FANCI: variants seen among roughly 807,000 people sequenced by gnomAD.
FANCI encodes the protein Fanconi anemia group I protein.
FANCI carries 156 observed loss-of-function variants against 176.1 expected under a neutral mutation model. That is an observed-to-expected ratio of 0.89 (90% confidence interval 0.78 to 1.01). FANCI has a LOEUF of 1.01. FANCI is among the 50% of genes least tolerant of loss of function. The probability of loss-of-function intolerance (pLI) is 0.00; values close to 1 mark genes in which losing one functional copy is unlikely to be tolerated. For synonymous variants in FANCI, 613 were observed against 541.7 expected (o/e 1.13, Z -1.83); for missense variants, 1,678 against 1,534.1 (o/e 1.09, Z -1.57).
chr15:89,264,757 G>C, intron 9 of FANCI, 150 bp downstream of exon 9: 1 of 630,752 alleles, frequency 1.6e-6, no homozygotes, highest in Admixed American at 2.2e-5. Flanking sequence ...CAGTAATAAA[G>C]AGAATAACAT....
intron 2 of FANCI, among the ~76,000 whole-genome samples, chr15:89,250,946 C>CA (rs1202223731): frequency 1.3e-5 from 2 of 150,652 alleles, no homozygotes; most frequent in African/African-American, 2.4e-5. Context: ...TAAACAACAA[C>CA]AAAAAAACAC....
chr15:89,307,541 A>G lies in FANCI; in HGVS notation c.3591+12A>G, dbSNP rs1567175558. ...ATATGGAAAAGCTGGTGAGTTGAGA[A>G]TGCCTTTCCTAGGAATGGGGGAAGC... On this transcript the variant is annotated intron_variant, in intron 33 of 37. Transcript: ENST00000310775. 6.2e-7 allele frequency: 1 copy of G among 1,614,036 alleles called. No homozygotes were observed. Among genetic ancestry groups the G allele is most frequent in the African/African-American group, 1.3e-5 (1 of 74,930 alleles).
At chr15:89,273,141 A>T (rs1205043655) in intron 10 of FANCI, among the ~76,000 whole-genome samples, 1 of 151,498 alleles carries the variant, frequency 6.6e-6, no homozygotes, top group Non-Finnish European at 1.5e-5. Context: ...CTCTCCAAAA[A>T]AATTAAAAAT....
Position 89,281,185 on chromosome 15 carries a change from T to C in FANCI, c.1397T>C (p.Ile466Thr). Residue 466 changes from isoleucine to threonine, a missense_variant, in exon 15 of 38, where the codon ATC (isoleucine) becomes ACC (threonine). By Grantham distance (89) the Ile-to-Thr change is moderately conservative. Coordinates refer to ENST00000310775, the MANE Select transcript of FANCI (RefSeq NM_001113378.2). ...TGTTTTTCAGACCTGCTTTCAAATA[T>C]CGTCATGTATGCACCCTTAGTTCTT... ...ISHFLDLLSN[I>T]VMYAPLVLQS... is the part of the protein sequence containing the mutation. 2.5e-6 allele frequency: 4 copies of C among 1,613,798 alleles called. No individual in the cohort carries two copies. Among genetic ancestry groups the C allele is most frequent in the Non-Finnish European group, 3.4e-6 (4 of 1,179,778 alleles).
chr15:89,259,921 C>G (rs747891273), intron 3 of FANCI, among the ~76,000 whole-genome samples: 2 of 152,114 alleles, frequency 1.3e-5, no homozygotes, highest in Non-Finnish European at 2.9e-5. Context: ...ATTTTCTGGC[C>G]ATTATAATAC....
chr15:89,257,342 A>T (rs1347771232), intron 2 of FANCI, among the ~76,000 whole-genome samples: 1 of 152,184 alleles, frequency 6.6e-6, no homozygotes, highest in Non-Finnish European at 1.5e-5. Context: ...CTGCTGTTAC[A>T]ATGTATCACA....
intron 2 of FANCI, among the ~76,000 whole-genome samples, chr15:89,255,227 T>C (rs1189471891): frequency 6.6e-6 from 1 of 152,200 alleles, no homozygotes; most frequent in Non-Finnish European, 1.5e-5. Flanking sequence ...TGGTGTCTCA[T>C]GATTGGACCA....
chr15:89,244,805 A>G (rs982780989), intron 1 of FANCI, among the ~76,000 whole-genome samples: 2 of 152,152 alleles, frequency 1.3e-5, no homozygotes, highest in Non-Finnish European at 2.9e-5. Context: ...AAAGTTGTTC[A>G]TCTAAAATGG....
chr15:89,309,712 C>T (rs1416873706), intron 34 of FANCI, among the ~76,000 whole-genome samples: 1 of 152,168 alleles, frequency 6.6e-6, no homozygotes, highest in Non-Finnish European at 1.5e-5. Context: ...GCGTGAGACC[C>T]TGTCTCAAGA....
chr15:89,281,640 A>T lies in FANCI; in HGVS notation c.1513-125A>T. 3 of 929,342 alleles carry T rather than the reference A, an allele frequency of 3.2e-6. No individual in the cohort carries two copies. The South Asian group carries it at 4.0e-5, about 12-fold the overall frequency. 57.6% of individuals were successfully genotyped at this position (929,342 alleles called of 1,614,324 possible). Reference sequence around the variant, plus strand: ...ATTGTCCTTGTTAACTGTAATAAACATTAAAACGTATATAAAACAGAAGTA... The same window carrying T: ...ATTGTCCTTGTTAACTGTAATAAACTTTAAAACGTATATAAAACAGAAGTA... On this transcript the variant is annotated intron_variant, in intron 15 of 37. Coordinates refer to ENST00000310775, the MANE Select transcript of FANCI (RefSeq NM_001113378.2).
At chr15:89,307,387 A>T in intron 32 of FANCI, 89 bp from the exon 33 acceptor site, 1 of 1,291,558 alleles carries the variant, frequency 7.7e-7, no homozygotes, top group Non-Finnish European at 1.1e-6. Context: ...TTCAGTCAGA[A>T]TGATGAGTCA....
At chr15:89,305,946 C>T in intron 31 of FANCI, 61 bp from the exon 32 acceptor site, 1 of 1,544,798 alleles carries the variant, frequency 6.5e-7, no homozygotes, top group Non-Finnish European at 8.9e-7. Flanking sequence ...TTCTAAATCT[C>T]CTTTACTCTT....
rs754573704 is a variant in FANCI at position 89,316,403 on chromosome 15, G to A, written c.3931G>A (p.Ala1311Thr). 1 of 1,611,684 alleles carries A rather than the reference G, an allele frequency of 6.2e-7. No individual in the cohort carries two copies. The highest frequency in any genetic ancestry group is 8.5e-7 in the Non-Finnish European group (1 of 1,178,606). ...DGEDENEEGT[A>T]SEHGGQNKEP... ...TAATTCTTTCCCCTTCTAGGGCACTGCATCAGAGCATGGGGGACAGAACAA... is the reference window on the plus strand; with the variant it reads ...TAATTCTTTCCCCTTCTAGGGCACTACATCAGAGCATGGGGGACAGAACAA... The change falls in exon 38 of 38, where the codon GCA (alanine) becomes ACA (threonine). Residue 1311 changes from alanine (A) to threonine (T), a missense_variant. Coordinates refer to ENST00000310775, the MANE Select transcript of FANCI (RefSeq NM_001113378.2).
intron 22 of FANCI, 113 bp from the exon 23 acceptor site, chr15:89,293,720 T>C: frequency 9.6e-7 from 1 of 1,042,056 alleles, no homozygotes; most frequent in Non-Finnish European, 1.5e-6. Context: ...TCATTTATAA[T>C]GTTACGTCTA....
intron 22 of FANCI, among the ~76,000 whole-genome samples, chr15:89,293,436 C>T (rs1255860595): frequency 6.6e-6 from 1 of 152,134 alleles, no homozygotes; most frequent in Non-Finnish European, 1.5e-5. Flanking sequence ...CCTGTAATCC[C>T]AGAACTTTGG....
intron 26 of FANCI, among the ~76,000 whole-genome samples, chr15:89,300,598 A>T (rs1314955048): frequency 6.6e-6 from 1 of 152,226 alleles, no homozygotes; most frequent in Non-Finnish European, 1.5e-5. Flanking sequence ...CCAACCTGCA[A>T]TACTCATTAC....
intron 10 of FANCI, among the ~76,000 whole-genome samples, chr15:89,272,744 A>G (rs143285238): frequency 0.075 from 11,450 of 152,128 alleles, 1,358 homozygotes; most frequent in African/African-American, 0.25. Context: ...ATCTGAGCTC[A>G]CTGCAACCTT....
chr15:89,293,408 C>T (rs1596305453), intron 22 of FANCI, among the ~76,000 whole-genome samples: 1 of 152,278 alleles, frequency 6.6e-6, no homozygotes, highest in East Asian at 1.9e-4. Context: ...GAGGGGAGGC[C>T]AGGTGCGGTG....
chr15:89,272,028 T>G (rs2053219794), intron 10 of FANCI, among the ~76,000 whole-genome samples: 1 of 152,244 alleles, frequency 6.6e-6, no homozygotes, highest in Non-Finnish European at 1.5e-5. Flanking sequence ...AGAAACTGCC[T>G]GTTTTCCAAA....
Sources: gnomAD v4.1 joint callset for allele counts (sites outside exome capture counted in the v4.1 genomes callset) on GRCh38, gnomAD v4.1.1 for gene constraint, MANE v1.5 for transcripts, NCBI Gene and HGNC (gene_info 2026-07-23, HGNC 2026-07-21) for gene names.